LIN54: variants seen among roughly 807,000 people sequenced by gnomAD.
LIN54 encodes the protein lin-54 DREAM MuvB core complex component, also known as protein lin-54 homolog.
In LIN54, 9 loss-of-function variants were observed where a neutral mutation model predicts 78.7. The ratio of observed to expected loss-of-function variants is 0.11; its 90% confidence interval spans 0.07 to 0.20. The LOEUF (loss-of-function observed/expected upper bound fraction) is 0.20, where lower values mean the gene tolerates loss of function less well. Among genes scored for constraint, LIN54 ranks in the 10% least tolerant of loss-of-function variants. The probability of loss-of-function intolerance (pLI) is 1.00; values close to 1 mark genes in which losing one functional copy is unlikely to be tolerated. For missense variants in LIN54, 573 were observed against 889.9 expected (o/e 0.64, Z 4.53); for synonymous variants, 269 against 318.4 (o/e 0.84, Z 1.65).
chr4:82,978,892 C>A lies in LIN54; in HGVS notation c.799G>T (p.Val267Phe). The stretch of plus-strand genomic sequence containing the variant: ...TATAAAGAAATATAACCTGCAATAA[C>A]TGGTGGTGAAACTTGAGTTGTCTGT... ...TGQTTQVSPPVIAGRVLSQST... is the reference protein window; with the variant it reads ...TGQTTQVSPPFIAGRVLSQST... The change falls in exon 3 of 13, where the codon GTT becomes TTT. Residue 267 changes from valine to phenylalanine, a missense_variant. Physicochemically the swap from Val to Phe is conservative, Grantham distance 50. Coordinates refer to ENST00000340417, the MANE Select transcript of LIN54 (RefSeq NM_194282.4). 6.5e-7 allele frequency: 1 copy of A among 1,544,304 alleles called. No homozygotes were observed. Among genetic ancestry groups the A allele is most frequent in the Non-Finnish European group, 8.9e-7 (1 of 1,123,324 alleles).
intron 12 of LIN54, among the ~76,000 whole-genome samples, chr4:82,928,612 A>G (rs1721680901): frequency 6.6e-6 from 1 of 152,242 alleles, no homozygotes; most frequent in African/African-American, 2.4e-5. Context: ...TTCTTTAACT[A>G]AAATCCTCCT....
intron 4 of LIN54, among the ~76,000 whole-genome samples, chr4:82,947,405 T>A (rs1239931424): frequency 1.1e-4 from 5 of 44,372 alleles, no homozygotes; most frequent in Non-Finnish European, 5.1e-4. Context: ...TGTGTGTGTG[T>A]GTGTGTGTGT....
At chr4:82,943,668 T>C (rs1723117009) in intron 5 of LIN54, among the ~76,000 whole-genome samples, 2 of 151,618 alleles carry the variant, frequency 1.3e-5, no homozygotes, top group Admixed American at 6.6e-5. Context: ...GAAGAGGGTA[T>C]AGAGTGAGGT....
At chr4:82,982,367 C>T (rs372307765) in intron 2 of LIN54, among the ~76,000 whole-genome samples, 12 of 151,956 alleles carry the variant, frequency 7.9e-5, no homozygotes, top group African/African-American at 1.9e-4. Flanking sequence ...TACCTGGGAC[C>T]GCAAGTGTGC....
chr4:82,972,843 T>A (rs1164637593), intron 3 of LIN54, among the ~76,000 whole-genome samples: 1 of 150,290 alleles, frequency 6.7e-6, no homozygotes, highest in Admixed American at 6.7e-5. Flanking sequence ...TAGCCAGGCG[T>A]GGTAGCGTGC....
At chr4:82,941,759 C>A (rs901627319) in intron 5 of LIN54, among the ~76,000 whole-genome samples, 3 of 151,988 alleles carry the variant, frequency 2.0e-5, no homozygotes, top group Non-Finnish European at 4.4e-5. Flanking sequence ...TAGGTATAAG[C>A]GAAGAAAATG....
intron 4 of LIN54, among the ~76,000 whole-genome samples, chr4:82,961,680 C>T (rs13130437): frequency 0.54 from 82,290 of 152,066 alleles, 24,103 homozygotes; most frequent in East Asian, 0.78. Flanking sequence ...GAAGGCCAGG[C>T]GTGGTGGCTC....
At chr4:83,000,436 T>C (rs1487123946) in intron 1 of LIN54, among the ~76,000 whole-genome samples, 3 of 152,196 alleles carry the variant, frequency 2.0e-5, no homozygotes, top group Non-Finnish European at 4.4e-5. Context: ...TCCAAATGTA[T>C]AACAAGAAGG....
chr4:82,968,811 G>C (rs756659027), intron 4 of LIN54, among the ~76,000 whole-genome samples: 7 of 152,016 alleles, frequency 4.6e-5, no homozygotes, highest in Non-Finnish European at 7.4e-5. Flanking sequence ...CACAAGATTC[G>C]TATTTTTAAA....
intron 1 of LIN54, among the ~76,000 whole-genome samples, chr4:82,993,523 C>T (rs550439398): frequency 6.6e-6 from 1 of 151,746 alleles, no homozygotes; most frequent in Non-Finnish European, 1.5e-5. Flanking sequence ...CGGCTAGAAT[C>T]TTAAGATGGA....
rs193073143 is a variant in LIN54, at chr4:82,937,863, G to C, written c.1532+550C>G. On this transcript the variant is annotated intron_variant, in intron 8 of 12. Coordinates refer to ENST00000340417, the MANE Select transcript of LIN54 (RefSeq NM_194282.4). The stretch of plus-strand genomic sequence containing the variant: ...TAAAAATAGTTGGGCAGGTGCAGTG[G>C]CTTAAGCCTGGAATCCCAGCACTCT... Among the ~76,000 whole-genome samples, 227 of 152,322 alleles carry C rather than the reference G, an allele frequency of 1.5e-3. 3 individuals are homozygous for C. Among genetic ancestry groups the C allele is most frequent in the Admixed American group, 0.013 (201 of 15,296 alleles).
chr4:82,936,693 C>T (rs1346432124), intron 9 of LIN54, among the ~76,000 whole-genome samples: 1 of 151,988 alleles, frequency 6.6e-6, no homozygotes, highest in African/African-American at 2.4e-5. Flanking sequence ...TTTTATGTGC[C>T]CCCAAAGTAA....
At chr4:82,943,698 A>C (rs975212819) in intron 5 of LIN54, among the ~76,000 whole-genome samples, 2 of 152,016 alleles carry the variant, frequency 1.3e-5, no homozygotes, top group Admixed American at 6.6e-5. Context: ...AGAGAGATAT[A>C]GTGGAGAACA....
chr4:82,955,193 G>A (rs1252143662), intron 4 of LIN54, among the ~76,000 whole-genome samples: 1 of 151,902 alleles, frequency 6.6e-6, no homozygotes, highest in Non-Finnish European at 1.5e-5. Flanking sequence ...TTGAAACCTC[G>A]TCTCTACTAA....
At chr4:82,934,228 G>GTC (rs1267640513) in intron 11 of LIN54, among the ~76,000 whole-genome samples, 1 of 152,058 alleles carries the variant, frequency 6.6e-6, no homozygotes, top group Non-Finnish European at 1.5e-5. Context: ...GTGAAACCCT[G>GTC]TCTCTACTAA....
At chr4:82,991,271 A>G (rs1431235541) in intron 1 of LIN54, among the ~76,000 whole-genome samples, 2 of 151,944 alleles carry the variant, frequency 1.3e-5, no homozygotes, top group African/African-American at 4.8e-5. Flanking sequence ...ATTTTGTTAA[A>G]TTTATCCTTA....
chr4:82,939,993 G>C, intron 5 of LIN54, 31 bp from the exon 6 acceptor site: 1 of 1,460,172 alleles, frequency 6.8e-7, no homozygotes, highest in Non-Finnish European at 9.4e-7. Flanking sequence ...GGATGAACAA[G>C]TTATTTACAG....
intron 1 of LIN54, among the ~76,000 whole-genome samples, chr4:83,001,276 G>C (rs1332922560): frequency 6.6e-6 from 1 of 151,936 alleles, no homozygotes; most frequent in African/African-American, 2.4e-5. Context: ...CTTGGGTAAG[G>C]CACACTGGCT....
chr4:82,932,704 A>C (rs1205396244), intron 11 of LIN54, among the ~76,000 whole-genome samples: 1 of 151,162 alleles, frequency 6.6e-6, no homozygotes, highest in Non-Finnish European at 1.5e-5. Context: ...ACATGCCTGT[A>C]ATCTCAGCTA....
Sources: allele counts gnomAD v4.1 joint callset (sites outside exome capture counted in the v4.1 genomes callset), GRCh38; gene constraint gnomAD v4.1.1; transcripts MANE v1.5; gene names NCBI Gene and HGNC (gene_info 2026-07-23, HGNC 2026-07-21).